Variants in EIF3B observed in about 807,000 individuals in gnomAD.
The protein encoded by EIF3B is eukaryotic translation initiation factor 3 subunit 9.
EIF3B carries 10 observed loss-of-function variants against 104.6 expected under a neutral mutation model. The observed-to-expected ratio is 0.10, with a 90% CI of 0.06 to 0.16. The LOEUF (loss-of-function observed/expected upper bound fraction) is 0.16, where lower values mean the gene tolerates loss of function less well. Ranked by LOEUF, EIF3B falls within the 10% of genes least tolerant of loss-of-function variation. EIF3B has a pLI of 1.00. For missense variants in EIF3B, 1,014 were observed against 1,087.9 expected (o/e 0.93, Z 0.96); for synonymous variants, 542 against 417.2 (o/e 1.30, Z -3.65).
rs1225386320 is a variant in EIF3B at position 2,367,101 on chromosome 7, C to T, written c.1403+56C>T. ...TGTGTTCAGGCTGCTTAACACAATA[C>T]CAAAAAAAAAAAAAAAAACACAATA... On this transcript the variant is annotated intron_variant, in intron 9 of 18. Transcript: ENST00000360876. 5 of 864,362 alleles carry T rather than the reference C, an allele frequency of 5.8e-6. No individual in the cohort carries two copies. In the South Asian group the frequency reaches 1.3e-4, roughly 23 times the overall value. The allele number at this position is 864,362 out of a possible 1,614,324, so 53.5% of individuals were successfully genotyped here.
chr7:2,374,873 T>C (rs914158222), intron 13 of EIF3B: 39 of 382,592 alleles, frequency 1.0e-4, no homozygotes, highest in Middle Eastern at 1.4e-3. Context: ...TGTGGTTCTC[T>C]GTGGTTAAAC....
intron 1 of EIF3B, among the ~76,000 whole-genome samples, chr7:2,359,045 C>A (rs118186649): frequency 0.019 from 2,923 of 152,160 alleles, 47 homozygotes; most frequent in Middle Eastern, 0.051. Context: ...ATAACAAGAC[C>A]CTGTCTCTTT....
At chr7:2,370,620 G>T (rs527668457) in intron 10 of EIF3B, among the ~76,000 whole-genome samples, 7 of 152,016 alleles carry the variant, frequency 4.6e-5, no homozygotes, top group African/African-American at 7.2e-5. Flanking sequence ...GTGGTTTTTC[G>T]TGTGTTCAGA....
intron 10 of EIF3B, among the ~76,000 whole-genome samples, chr7:2,370,516 A>G (rs4721650): frequency 0.28 from 42,276 of 152,064 alleles, 6,744 homozygotes; most frequent in African/African-American, 0.45. Context: ...TCCCTCTAAT[A>G]GAAGTATTCT....
chr7:2,378,286 G>A (rs1328444930), intron 15 of EIF3B: 8 of 224,462 alleles, frequency 3.6e-5, no homozygotes, highest in Admixed American at 2.2e-4. Context: ...AATGACCCTC[G>A]GTGTCATGGA....
intron 15 of EIF3B, 108 bp downstream of exon 15, chr7:2,377,183 C>G: frequency 7.1e-7 from 1 of 1,412,992 alleles, no homozygotes; most frequent in Non-Finnish European, 9.4e-7. Context: ...GGGATAAAAA[C>G]GTGACATTTG....
At chr7:2,356,074 G>C (rs1779412711) in intron 1 of EIF3B, among the ~76,000 whole-genome samples, 1 of 152,136 alleles carries the variant, frequency 6.6e-6, no homozygotes, top group African/African-American at 2.4e-5. Flanking sequence ...GCATATTTTT[G>C]CTTCCTGTCT....
intron 10 of EIF3B, among the ~76,000 whole-genome samples, chr7:2,370,544 G>C (rs893256776): frequency 5.3e-5 from 8 of 152,148 alleles, no homozygotes; most frequent in African/African-American, 1.9e-4. Context: ...TTTATGTTAA[G>C]AAAGCTTTAA....
At chr7:2,369,343 G>A (rs1780194884) in intron 9 of EIF3B, 129 bp from the exon 10 acceptor site, 2 of 969,576 alleles carry the variant, frequency 2.1e-6, no homozygotes, top group South Asian at 3.0e-5. Context: ...CTGTGCAGAG[G>A]GAGCGCTCAG....
intron 15 of EIF3B, among the ~76,000 whole-genome samples, chr7:2,377,547 C>T (rs1385508834): frequency 5.7e-5 from 7 of 123,374 alleles, no homozygotes; most frequent in South Asian, 2.5e-4. Context: ...AAGGAGCAGG[C>T]ACGAGCGCTC....
At chr7:2,374,350 G>T in intron 12 of EIF3B, 178 bp from the exon 13 acceptor site, 1 of 548,516 alleles carries the variant, frequency 1.8e-6, no homozygotes, top group Non-Finnish European at 3.3e-6. Context: ...TTTAAAGTAT[G>T]GATCATGACT....
intron 13 of EIF3B, 191 bp downstream of exon 13, chr7:2,374,797 C>G: frequency 2.0e-6 from 1 of 501,106 alleles, no homozygotes. Flanking sequence ...AGGCCAAGCC[C>G]GCACAGAGTG....
At chr7:2,369,443 C>A (rs755283834) in intron 9 of EIF3B, 29 bp from the exon 10 acceptor site, 2 of 1,610,544 alleles carry the variant, frequency 1.2e-6, no homozygotes, top group Non-Finnish European at 1.7e-6. Context: ...TTGGTCTTTG[C>A]TTTAACATTT....
chr7:2,364,389 T>C lies in EIF3B; in HGVS notation c.1017T>C (p.Tyr339=). The change falls in exon 6 of 19, where the codon TAT becomes TAC. Residue 339 remains tyrosine (Y), a synonymous_variant. Coordinates refer to ENST00000360876, the MANE Select transcript of EIF3B (RefSeq NM_001037283.2). Reference sequence around the variant, plus strand: ...TTCTGCAGAGATGGACAGAGACGTATGTGCGTTGGTCTCCTAAGGGCACCT... The same window carrying C: ...TTCTGCAGAGATGGACAGAGACGTACGTGCGTTGGTCTCCTAAGGGCACCT... ...IEERARWTET[Y]VRWSPKGTYL... is the part of the protein sequence containing the mutation. 1.2e-6 allele frequency: 2 copies of C among 1,606,436 alleles called. No individual in the cohort carries two copies. Among genetic ancestry groups the C allele is most frequent in the Non-Finnish European group, 1.7e-6 (2 of 1,177,596 alleles).
At chr7:2,368,442 G>A (rs369174337) in intron 9 of EIF3B, among the ~76,000 whole-genome samples, 8 of 152,304 alleles carry the variant, frequency 5.3e-5, no homozygotes, top group African/African-American at 1.2e-4. Context: ...GAGCCACCGC[G>A]CCCGGCCTAA....
chr7:2,357,912 G>A (rs1490155554), intron 1 of EIF3B, among the ~76,000 whole-genome samples: 2 of 152,092 alleles, frequency 1.3e-5, no homozygotes, highest in Non-Finnish European at 2.9e-5. Flanking sequence ...GGCTTGTCAG[G>A]CTATTTAATT....
chr7:2,357,935 C>G (rs1484766052), intron 1 of EIF3B, among the ~76,000 whole-genome samples: 1 of 152,102 alleles, frequency 6.6e-6, no homozygotes, highest in East Asian at 1.9e-4. Context: ...ATGGTAAGTG[C>G]TTTAGAAGTT....
At chr7:2,370,178 A>G (rs1780250149) in intron 10 of EIF3B, among the ~76,000 whole-genome samples, 1 of 152,038 alleles carries the variant, frequency 6.6e-6, no homozygotes, top group African/African-American at 2.4e-5. Context: ...TTATTTTATC[A>G]AAAAATTGCC....
At chr7:2,371,950 C>G in intron 11 of EIF3B, 101 bp downstream of exon 11, 1 of 954,240 alleles carries the variant, frequency 1.0e-6, no homozygotes, top group Non-Finnish European at 1.7e-6. Flanking sequence ...GCAGCTGAGT[C>G]AGGACTGTGA....
Sources: gnomAD v4.1 joint callset for allele counts (sites outside exome capture counted in the v4.1 genomes callset) on GRCh38, gnomAD v4.1.1 for gene constraint, MANE v1.5 for transcripts, NCBI Gene and HGNC (gene_info 2026-07-23, HGNC 2026-07-21) for gene names.